RIPK1: variants seen among roughly 807,000 people sequenced by gnomAD.
RIPK1 encodes the protein receptor-interacting serine/threonine-protein kinase 1.
A neutral mutation model predicts 62.4 loss-of-function variants in RIPK1; 27 were observed. The observed-to-expected ratio is 0.43, with a 90% CI of 0.32 to 0.60. The LOEUF is 0.60. RIPK1 is among the 20% of genes least tolerant of loss of function. The pLI, the probability that RIPK1 is intolerant of heterozygous loss-of-function variation, is 0.07. For missense variants in RIPK1, 735 were observed against 831.0 expected (o/e 0.88, Z 1.42); for synonymous variants, 287 against 303.2 (o/e 0.95, Z 0.55).
At chr6:3,107,552 G>A (rs540882246) in intron 9 of RIPK1, among the ~76,000 whole-genome samples, 5 of 123,780 alleles carry the variant, frequency 4.0e-5, no homozygotes, top group Non-Finnish European at 4.6e-5. Flanking sequence ...GTGACAGAGC[G>A]AGACTGTCGC....
chr6:3,081,863 A>T (rs1338674622), intron 4 of RIPK1, among the ~76,000 whole-genome samples: 3 of 1,632 alleles, frequency 1.8e-3, no homozygotes, highest in African/African-American at 4.4e-3. Context: ...TCTGCCTTAA[A>T]AAAAAAAAAA....
chr6:3,106,111 A>T, intron 9 of RIPK1, 60 bp downstream of exon 9: 1 of 1,229,582 alleles, frequency 8.1e-7, no homozygotes, highest in Non-Finnish European at 1.2e-6. Flanking sequence ...AAATACAGCA[A>T]CCAAGCAGCT....
rs549720988 is a variant in RIPK1, at chr6:3,076,781, G to C, written c.-43G>C. On this transcript the variant is annotated 5_prime_UTR_variant, in exon 2 of 11. Transcript: ENST00000259808. ...CTTTACAGGGTACAGCTCTGCCGGG[G>C]GGGGAAAAAGTGGTACCATTTTGGG... The C allele has an allele frequency of 3.1e-6, 5 of 1,604,608 alleles. No individual in the cohort carries two copies. The highest frequency in any genetic ancestry group is 1.7e-5 in the Admixed American group (1 of 59,566).
chr6:3,095,050 C>T (rs7341209), intron 7 of RIPK1, among the ~76,000 whole-genome samples: 11,059 of 151,540 alleles, frequency 0.073, 1,374 homozygotes, highest in African/African-American at 0.25. Flanking sequence ...AGAGTGAGAC[C>T]CTACTTCTGA....
chr6:3,080,942 C>T (rs762911172), intron 3 of RIPK1, 37 bp from the exon 4 acceptor site: 1 of 1,603,008 alleles, frequency 6.2e-7, no homozygotes, highest in South Asian at 1.1e-5. Context: ...TATTTGATAA[C>T]CTTTCCATTT....
intron 6 of RIPK1, among the ~76,000 whole-genome samples, chr6:3,086,744 AG>A (rs1275392153): frequency 6.6e-6 from 1 of 152,154 alleles, no homozygotes; most frequent in African/African-American, 2.4e-5. Context: ...TCACCGTTTA[AG>A]GTGATTTATG....
intron 9 of RIPK1, among the ~76,000 whole-genome samples, chr6:3,108,611 G>A (rs576680223): frequency 6.6e-6 from 1 of 152,310 alleles, no homozygotes; most frequent in South Asian, 2.1e-4. Context: ...GCCTGGCGAT[G>A]CGCAGAGTAA....
Position 3,077,946 on chromosome 6 carries a change from C to A in RIPK1, c.321+11C>A. ...GTGCTGAAAGCCGAGGTAGAGAGGGCCCCTCCGCACGGGGATCCCCAGCGC... is the reference window on the plus strand; with the variant it reads ...GTGCTGAAAGCCGAGGTAGAGAGGGACCCTCCGCACGGGGATCCCCAGCGC... On this transcript the variant is annotated intron_variant, in intron 3 of 10. Coordinates refer to ENST00000259808, the MANE Select transcript of RIPK1 (RefSeq NM_001354930.2). The A allele has an allele frequency of 6.2e-7, 1 of 1,612,770 alleles. No homozygotes were observed. Among genetic ancestry groups the A allele is most frequent in the Non-Finnish European group, 8.5e-7 (1 of 1,179,496 alleles).
intron 7 of RIPK1, among the ~76,000 whole-genome samples, chr6:3,090,049 G>C (rs1759948038): frequency 1.3e-5 from 2 of 152,194 alleles, no homozygotes; most frequent in African/African-American, 4.8e-5. Flanking sequence ...GTACCGGAGG[G>C]GCAGTCTTGG....
chr6:3,083,028 A>G, intron 4 of RIPK1, 57 bp from the exon 5 acceptor site: 1 of 1,547,320 alleles, frequency 6.5e-7, no homozygotes, highest in Non-Finnish European at 8.9e-7. Flanking sequence ...TGAAAGTCAG[A>G]TCTGATTTGC....
At position 3,076,778 on chromosome 6, in the gene RIPK1, G is replaced by A. The variant is rs202096237; in HGVS notation, c.-46G>A. ...TTTCTTTACAGGGTACAGCTCTGCC[G>A]GGGGGGGAAAAAGTGGTACCATTTT... On this transcript the variant is annotated 5_prime_UTR_variant, in exon 2 of 11. Transcript: ENST00000259808. 113 of 1,501,336 alleles carry A rather than the reference G, an allele frequency of 7.5e-5. No individual in the cohort carries two copies. The Middle Eastern group carries it at 8.1e-4, about 11-fold the overall frequency. 93.0% of individuals were successfully genotyped at this position (1,501,336 alleles called of 1,614,324 possible).
Position 3,077,713 on chromosome 6 carries a change from G to C in RIPK1, c.165-66G>C. 10 of 1,556,110 alleles carry C rather than the reference G, an allele frequency of 6.4e-6. 2 individuals carry two copies. In the South Asian group the frequency reaches 1.1e-4, roughly 18 times the overall value. ...CAGCACGTGGGAGTGATGTGTTGGA[G>C]GTGTGCACCAGGCTCTTGAGGCGCT... On this transcript the variant is annotated intron_variant, in intron 2 of 10. Coordinates refer to ENST00000259808, the MANE Select transcript of RIPK1 (RefSeq NM_001354930.2).
At chr6:3,073,411 A>G (rs896452305) in intron 1 of RIPK1, among the ~76,000 whole-genome samples, 1 of 152,120 alleles carries the variant, frequency 6.6e-6, no homozygotes, top group Non-Finnish European at 1.5e-5. Flanking sequence ...AAGTGCCCCA[A>G]GGTCACAGGT....
At position 3,080,898 on chromosome 6, in the gene RIPK1, C is replaced by A. The variant is rs1759341647; in HGVS notation, c.322-81C>A. On this transcript the variant is annotated intron_variant, in intron 3 of 10. Transcript: ENST00000259808. The stretch of plus-strand genomic sequence containing the variant: ...GGTAACCTTCTCCTCAGGCTCAGAT[C>A]CCACCACCCTTTCATGAAACAGTTG... 3 of 1,407,416 alleles carry A rather than the reference C, an allele frequency of 2.1e-6. No individual in the cohort carries two copies. In the East Asian group the frequency reaches 7.2e-5, roughly 34 times the overall value. 87.2% of individuals were successfully genotyped at this position (1,407,416 alleles called of 1,614,324 possible).
intron 10 of RIPK1, 77 bp from the exon 11 acceptor site, chr6:3,112,976 G>T: frequency 2.3e-6 from 3 of 1,311,354 alleles, no homozygotes; most frequent in Non-Finnish European, 2.1e-6. Flanking sequence ...TTTCACTTGG[G>T]TTTTTTAGCA....
intron 9 of RIPK1, 49 bp from the exon 10 acceptor site, chr6:3,110,754 T>G: frequency 7.8e-7 from 1 of 1,287,546 alleles, no homozygotes; most frequent in Admixed American, 2.1e-5. Flanking sequence ...TATTTTTTTC[T>G]CTTGCTTTTG....
At chr6:3,097,273 A>G (rs1760365857) in intron 7 of RIPK1, among the ~76,000 whole-genome samples, 1 of 152,238 alleles carries the variant, frequency 6.6e-6, no homozygotes. Context: ...AAAGAAGAGA[A>G]TAAGATCAGC....
intron 1 of RIPK1, among the ~76,000 whole-genome samples, chr6:3,071,043 CTG>C (rs1171240459): frequency 6.6e-6 from 1 of 152,220 alleles, no homozygotes; most frequent in Non-Finnish European, 1.5e-5. Context: ...TGTTTAAACT[CTG>C]TTTCAATTCT....
At chr6:3,100,970 ATAAAAT>A (rs1328611485) in intron 7 of RIPK1, among the ~76,000 whole-genome samples, 4 of 152,338 alleles carry the variant, frequency 2.6e-5, no homozygotes, top group Admixed American at 1.3e-4. Flanking sequence ...AATCAATTTG[ATAAAAT>A]TAAAATAACA....
Sources: gnomAD v4.1 joint callset for allele counts (sites outside exome capture counted in the v4.1 genomes callset) on GRCh38, gnomAD v4.1.1 for gene constraint, MANE v1.5 for transcripts, NCBI Gene and HGNC (gene_info 2026-07-23, HGNC 2026-07-21) for gene names.